TPH2: variants seen among roughly 807,000 people sequenced by gnomAD.
The protein encoded by TPH2 is tryptophan hydroxylase 2.
Under a neutral mutation model 59.1 loss-of-function variants are expected in TPH2, and 27 were observed. That is an observed-to-expected ratio of 0.46 (90% CI 0.34 to 0.63). The LOEUF (loss-of-function observed/expected upper bound fraction) is 0.63, where lower values mean the gene tolerates loss of function less well. Ranked by LOEUF, TPH2 falls within the 30% of genes least tolerant of loss-of-function variation. The probability of loss-of-function intolerance (pLI) is 0.01; values close to 1 mark genes in which losing one functional copy is unlikely to be tolerated. For missense variants in TPH2, 523 were observed against 588.3 expected (o/e 0.89, Z 1.15); for synonymous variants, 220 against 210.5 (o/e 1.05, Z -0.39).
Position 71,987,745 on chromosome 12 carries a change from G to A in TPH2, c.942-6694G>A, listed in dbSNP as rs184862870. ...CGGGTGCCTGTAATCCCAGCTACTC[G>A]GCGGGCTGAGGCAGGAGAATCGCTT... On this transcript the variant is annotated intron_variant, in intron 7 of 10. Coordinates refer to ENST00000333850, the MANE Select transcript of TPH2 (RefSeq NM_173353.4). 1.6e-3 allele frequency among the ~76,000 whole-genome samples: 248 copies of A among 152,178 alleles called. 1 individual carries two copies. Among genetic ancestry groups the A allele is most frequent in the African/African-American group, 5.7e-3 (238 of 41,530 alleles).
chr12:72,012,795 T>C (rs1180382186), intron 8 of TPH2, among the ~76,000 whole-genome samples: 1 of 152,200 alleles, frequency 6.6e-6, no homozygotes, highest in Non-Finnish European at 1.5e-5. Flanking sequence ...TATATTTCTT[T>C]TTTCTTCTTT....
intron 8 of TPH2, among the ~76,000 whole-genome samples, chr12:72,016,187 T>C (rs1011800435): frequency 1.3e-5 from 2 of 152,176 alleles, no homozygotes; most frequent in African/African-American, 2.4e-5. Context: ...GGCAGTAAGA[T>C]AACATATGTG....
intron 2 of TPH2, among the ~76,000 whole-genome samples, chr12:71,942,732 A>G (rs10784941): frequency 0.4 from 60,693 of 152,118 alleles, 13,731 homozygotes; most frequent in Middle Eastern, 0.49. Flanking sequence ...TATGATGATC[A>G]TAGCAGGGGA....
At chr12:71,995,653 T>A (rs1488274504) in intron 8 of TPH2, among the ~76,000 whole-genome samples, 1 of 152,148 alleles carries the variant, frequency 6.6e-6, no homozygotes, top group Non-Finnish European at 1.5e-5. Context: ...AGTATGGAGA[T>A]GAATAGGCTC....
intron 8 of TPH2, among the ~76,000 whole-genome samples, chr12:72,008,602 G>A (rs1323820480): frequency 1.3e-4 from 20 of 152,200 alleles, no homozygotes; most frequent in Admixed American, 8.5e-4. Flanking sequence ...ACACACATTC[G>A]GTGCTTAATA....
chr12:71,974,442 G>T (rs748714058), intron 6 of TPH2, among the ~76,000 whole-genome samples: 1 of 152,048 alleles, frequency 6.6e-6, no homozygotes, highest in Non-Finnish European at 1.5e-5. Flanking sequence ...TCCTTGGCTC[G>T]TGGACTCTTC....
chr12:71,987,894 T>A (rs1237789874), intron 7 of TPH2, among the ~76,000 whole-genome samples: 7 of 152,000 alleles, frequency 4.6e-5, no homozygotes, highest in Admixed American at 4.6e-4. Context: ...AATCTTACAA[T>A]CTCCACTTTA....
chr12:72,028,334 A>C (rs905086813), intron 9 of TPH2, among the ~76,000 whole-genome samples: 1 of 152,194 alleles, frequency 6.6e-6, no homozygotes, highest in Non-Finnish European at 1.5e-5. Context: ...CTGGACATAG[A>C]GAAGAGGGTA....
intron 5 of TPH2, among the ~76,000 whole-genome samples, chr12:71,966,261 TA>T (rs1871815409): frequency 6.6e-6 from 1 of 151,528 alleles, no homozygotes; most frequent in Non-Finnish European, 1.5e-5. Flanking sequence ...TTTTTTTTTT[TA>T]AAGGATTCTG....
rs956327519 is a variant in TPH2, at chr12:71,960,756, C to T, written c.608+11101C>T. 3.3e-5 allele frequency among the ~76,000 whole-genome samples: 5 copies of T among 152,268 alleles called. No individual in the cohort carries two copies. In the East Asian group the frequency reaches 7.7e-4, roughly 24 times the overall value. ...AGTTGCACCAAATTCTAATGTATTT[C>T]ACAGGGAAAGAGGTATGAGTATTTT... On this transcript the variant is annotated intron_variant, in intron 5 of 10. Transcript: ENST00000333850.
intron 7 of TPH2, among the ~76,000 whole-genome samples, chr12:71,989,368 C>G (rs780314804): frequency 6.6e-6 from 1 of 152,160 alleles, no homozygotes; most frequent in Non-Finnish European, 1.5e-5. Context: ...GTGTGTTATC[C>G]CACATTACTT....
chr12:71,944,189 C>G, intron 2 of TPH2, 105 bp from the exon 3 acceptor site: 1 of 1,143,404 alleles, frequency 8.7e-7, no homozygotes, highest in Non-Finnish European at 1.3e-6. Flanking sequence ...GTCTCTTCCT[C>G]TTGTGTGGGT....
At position 71,989,416 on chromosome 12, in the gene TPH2, C is replaced by T. The variant is rs909331345; in HGVS notation, c.942-5023C>T. Among the ~76,000 whole-genome samples, 10 of 152,312 alleles carry T rather than the reference C, an allele frequency of 6.6e-5. 1 individual carries two copies. The highest frequency in any genetic ancestry group is 4.1e-4 in the South Asian group (2 of 4,820). ...CAACTGTTGTGTGAAAGCTGAAAAA[C>T]GCACCCTATTTTGGCTCCCAGCTCA... On this transcript the variant is annotated intron_variant, in intron 7 of 10. Coordinates refer to ENST00000333850, the MANE Select transcript of TPH2 (RefSeq NM_173353.4).
intron 9 of TPH2, among the ~76,000 whole-genome samples, chr12:72,027,748 G>A (rs781091299): frequency 2.6e-5 from 4 of 152,124 alleles, no homozygotes; most frequent in Admixed American, 1.3e-4. Flanking sequence ...GGTAGTAGCC[G>A]CCTCTGTGGA....
intron 1 of TPH2, among the ~76,000 whole-genome samples, chr12:71,939,694 C>A (rs1401596338): frequency 6.6e-6 from 1 of 152,144 alleles, no homozygotes; most frequent in African/African-American, 2.4e-5. Flanking sequence ...GAAAGCAATA[C>A]ACCACTTGCT....
At chr12:72,016,431 A>G (rs1346253883) in intron 8 of TPH2, among the ~76,000 whole-genome samples, 1 of 152,112 alleles carries the variant, frequency 6.6e-6, no homozygotes. Flanking sequence ...CTACGTAACT[A>G]AGCTTTGTTA....
In TPH2 at chr12:71,966,712, G is replaced by C. The variant is rs1871828970; in HGVS notation, c.609-5807G>C. Among the ~76,000 whole-genome samples, 10 of 152,026 alleles carry C rather than the reference G, an allele frequency of 6.6e-5. No individual in the cohort carries two copies. In the South Asian group the frequency reaches 2.1e-3, roughly 32 times the overall value. ...TGCTCCTTGCCACTGAGAAAATCCG[G>C]CTGTTTTCAAAGAACACAATTGGTG... On this transcript the variant is annotated intron_variant, in intron 5 of 10. Transcript: ENST00000333850.
At chr12:72,005,564 T>C (rs532119612) in intron 8 of TPH2, among the ~76,000 whole-genome samples, 2 of 152,278 alleles carry the variant, frequency 1.3e-5, no homozygotes, top group Non-Finnish European at 2.9e-5. Flanking sequence ...AGTTCTGGCA[T>C]TGGAAAAAGG....
chr12:71,976,719 G>A (rs1872130198), intron 6 of TPH2, among the ~76,000 whole-genome samples: 1 of 152,182 alleles, frequency 6.6e-6, no homozygotes, highest in South Asian at 2.1e-4. Flanking sequence ...CTGAGAACAG[G>A]TTATTTCCAG....
Sources: allele counts gnomAD v4.1 joint callset (sites outside exome capture counted in the v4.1 genomes callset), GRCh38; gene constraint gnomAD v4.1.1; transcripts MANE v1.5; gene names NCBI Gene and HGNC (gene_info 2026-07-23, HGNC 2026-07-21).